The following FYB2 variants were observed in gnomAD, a reference collection of about 807,000 sequenced individuals.
FYB2 encodes FYN binding protein 2.
FYB2 carries 103 observed loss-of-function variants against 94.1 expected under a neutral mutation model. The observed-to-expected ratio is 1.09, with a 90% CI of 0.93 to 1.29. The LOEUF is 1.29. Among genes scored for constraint, FYB2 ranks in the 50% most tolerant of loss-of-function variants. The pLI, the probability that FYB2 is intolerant of heterozygous loss-of-function variation, is 0.00. For synonymous variants in FYB2, 293 were observed against 287.9 expected, an observed-to-expected ratio of 1.02 and a Z score of -0.18; for missense variants, 896 against 841.5, an observed-to-expected ratio of 1.06 and a Z score of -0.80.
At chr1:56,805,673 A>AG (rs904693152) in intron 1 of FYB2, among the ~76,000 whole-genome samples, 2 of 152,126 alleles carry the variant, frequency 1.3e-5, no homozygotes, top group African/African-American at 4.8e-5. Context: ...ATGTTGTGGG[A>AG]GGTACCCAGT....
At chr1:56,722,129 A>G (rs1210675142) in intron 17 of FYB2, among the ~76,000 whole-genome samples, 1 of 152,138 alleles carries the variant, frequency 6.6e-6, no homozygotes, top group Non-Finnish European at 1.5e-5. Context: ...TAATTGCCTC[A>G]CTGTTGTTTT....
At chr1:56,741,570 C>T (rs1244911486) in intron 12 of FYB2, among the ~76,000 whole-genome samples, 3 of 151,974 alleles carry the variant, frequency 2.0e-5, no homozygotes, top group African/African-American at 7.2e-5. Context: ...ATGCCCAGTT[C>T]AGGGTCTTTT....
chr1:56,748,130 T>C (rs1027726016), intron 9 of FYB2, among the ~76,000 whole-genome samples: 1 of 152,170 alleles, frequency 6.6e-6, no homozygotes, highest in African/African-American at 2.4e-5. Context: ...AAGTTTCTTG[T>C]AGATTCTGGA....
At chr1:56,757,661 TTC>T (rs1273051880) in intron 6 of FYB2, among the ~76,000 whole-genome samples, 1 of 151,248 alleles carries the variant, frequency 6.6e-6, no homozygotes, top group Non-Finnish European at 1.5e-5. Context: ...TTCTTTCTTT[TTC>T]TTTCTTTCCT....
In FYB2 at chr1:56,792,748, G is replaced by A. The variant is rs779766040; in HGVS notation, c.65C>T (p.Pro22Leu). 1.2e-6 allele frequency: 2 copies of A among 1,613,822 alleles called. No individual in the cohort carries two copies. Among genetic ancestry groups the A allele is most frequent in the Non-Finnish European group, 1.7e-6 (2 of 1,179,908 alleles). ...GAATTTAATAGGTCCTGGAAGAGGTGGAGCATCAAGATTTTGAAATTTGGC... is the reference window on the plus strand; with the variant it reads ...GAATTTAATAGGTCCTGGAAGAGGTAGAGCATCAAGATTTTGAAATTTGGC... ...LRAKFQNLDA[P>L]PLPGPIKFPA... is the part of the protein sequence containing the mutation. Residue 22 changes from proline to leucine, a missense_variant, in exon 2 of 20, where the codon CCA (proline) becomes CTA (leucine). By Grantham distance (98) the Pro-to-Leu change is moderately conservative. Transcript: ENST00000343433.
At chr1:56,732,220 T>C (rs1644727180) in intron 15 of FYB2, among the ~76,000 whole-genome samples, 1 of 152,052 alleles carries the variant, frequency 6.6e-6, no homozygotes, top group East Asian at 1.9e-4. Flanking sequence ...AAGAAGGCAA[T>C]CTGGTTTATA....
At chr1:56,752,254 A>G (rs1447204741) in intron 8 of FYB2, among the ~76,000 whole-genome samples, 1 of 152,056 alleles carries the variant, frequency 6.6e-6, no homozygotes, top group East Asian at 1.9e-4. Flanking sequence ...GAGTCAGGCC[A>G]GGGAAAACCC....
Position 56,787,245 on chromosome 1 carries a change from T to A in FYB2, c.920-37A>T, listed in dbSNP as rs373348113. On this transcript the variant is annotated intron_variant, in intron 3 of 19. Transcript: ENST00000343433. ...AGAGGCGGAATGAAAAAGAGGCATT[T>A]GCAGCAGCCTGGTTAAAGTGAATGA... 3.5e-5 allele frequency: 57 copies of A among 1,612,184 alleles called. No homozygotes were observed. The African/African-American group carries it at 6.7e-4, about 19-fold the overall frequency.
Position 56,719,508 on chromosome 1 carries a change from G to T in FYB2, c.*163C>A, listed in dbSNP as rs1644445203. 5.0e-6 allele frequency: 3 copies of T among 596,288 alleles called. No individual in the cohort carries two copies. In the East Asian group the frequency reaches 8.7e-5, roughly 17 times the overall value. 36.9% of individuals were successfully genotyped at this position (596,288 alleles called of 1,614,324 possible). A position where few individuals can be genotyped will look rare whatever the true frequency, so the allele number is the denominator to read the frequency against. On this transcript the variant is annotated 3_prime_UTR_variant, in exon 20 of 20. Coordinates refer to ENST00000343433, the MANE Select transcript of FYB2 (RefSeq NM_001004303.5). ...GGAGTAAAACCAACATCTAAATGTT[G>T]AGGATTTGTTTTTATTTTTCTCTTT...
In FYB2 at chr1:56,734,069, A is replaced by AG. The variant is rs960236140; in HGVS notation, c.1793+3017dup. ...GTCTAAGTCTCTTTGTAGGTCCCTA[A>AG]GGACTTGCTTTATGAATCTGGGTGC... On this transcript the variant is annotated intron_variant, in intron 15 of 19. Transcript: ENST00000343433. Among the ~76,000 whole-genome samples the AG allele has an allele frequency of 4.0e-4, 61 of 152,226 alleles. 2 individuals are homozygous for AG. The highest frequency in any genetic ancestry group is 1.4e-3 in the African/African-American group (57 of 41,554).
chr1:56,732,898 G>A (rs1644742365), intron 15 of FYB2, among the ~76,000 whole-genome samples: 1 of 151,932 alleles, frequency 6.6e-6, no homozygotes, highest in Admixed American at 6.6e-5. Flanking sequence ...GAAAACAGGG[G>A]AAACACTTCA....
intron 12 of FYB2, among the ~76,000 whole-genome samples, chr1:56,741,020 T>A (rs1644940708): frequency 6.6e-6 from 1 of 152,038 alleles, no homozygotes; most frequent in African/African-American, 2.4e-5. Flanking sequence ...TGGGTAAATG[T>A]TCACTGTTTG....
intron 5 of FYB2, among the ~76,000 whole-genome samples, chr1:56,763,961 T>G (rs1374683198): frequency 6.6e-6 from 1 of 152,036 alleles, no homozygotes; most frequent in Non-Finnish European, 1.5e-5. Context: ...CTATTTTTTT[T>G]TTTTTTTAGA....
chr1:56,726,595 T>A lies in FYB2; in HGVS notation c.1794-12A>T. The stretch of plus-strand genomic sequence containing the variant: ...GTTTATCTTCATCTCTGAGGAGAAA[T>A]ATATTTTGAGCAAGTAAATTAAGAC... On this transcript the variant is annotated splice_polypyrimidine_tract_variant and intron_variant, in intron 15 of 19. Transcript: ENST00000343433. The A allele has an allele frequency of 6.3e-7, 1 of 1,599,538 alleles. No homozygotes were observed. The highest frequency in any genetic ancestry group is 8.6e-7 in the Non-Finnish European group (1 of 1,169,456).
At chr1:56,743,733 G>A (rs558072338) in intron 11 of FYB2, among the ~76,000 whole-genome samples, 3 of 152,114 alleles carry the variant, frequency 2.0e-5, no homozygotes, top group African/African-American at 7.2e-5. Context: ...AGTGTTTTAA[G>A]TAAAAACAGT....
intron 4 of FYB2, among the ~76,000 whole-genome samples, chr1:56,777,239 CAAAAAAAAAAAAAA>C (rs1453236717): frequency 1.0e-3 from 5 of 4,798 alleles, no homozygotes; most frequent in South Asian, 0.011. Flanking sequence ...GTCTCAAAAA[CAAAAAAAAAAAAAA>C]AAAAAAAAAA....
chr1:56,723,747 C>T (rs563466374), intron 16 of FYB2, 66 bp from the exon 17 acceptor site: 191 of 856,510 alleles, frequency 2.2e-4, no homozygotes, highest in Admixed American at 1.2e-3. Context: ...TCTGAGCCTA[C>T]GAAGTCACTT....
At chr1:56,790,794 T>C (rs945680048) in intron 2 of FYB2, among the ~76,000 whole-genome samples, 2 of 152,202 alleles carry the variant, frequency 1.3e-5, no homozygotes, top group Admixed American at 6.5e-5. Flanking sequence ...GTGTGAGCTG[T>C]TGATGATGAG....
rs547177554 is a variant in FYB2, at chr1:56,722,252, G to A, written c.1974+1336C>T. The stretch of plus-strand genomic sequence containing the variant: ...ACAGGAATTATCAGTGATGATGAGA[G>A]ATTTGTGTACATTCCTATTTTAGTT... On this transcript the variant is annotated intron_variant, in intron 17 of 19. Coordinates refer to ENST00000343433, the MANE Select transcript of FYB2 (RefSeq NM_001004303.5). Among the ~76,000 whole-genome samples, 16 of 152,196 alleles carry A rather than the reference G, an allele frequency of 1.1e-4. No homozygotes were observed. The South Asian group carries it at 3.3e-3, about 32-fold the overall frequency.
Sources: gnomAD v4.1 joint callset for allele counts (sites outside exome capture counted in the v4.1 genomes callset) on GRCh38, gnomAD v4.1.1 for gene constraint, MANE v1.5 for transcripts, NCBI Gene and HGNC (gene_info 2026-07-23, HGNC 2026-07-21) for gene names.